SUGCT: variants seen among roughly 807,000 people sequenced by gnomAD.
SUGCT encodes the protein succinyl-CoA:glutarate CoA-transferase.
In SUGCT, 41 loss-of-function variants were observed where a neutral mutation model predicts 55.0. The observed-to-expected ratio is 0.74, with a 90% CI of 0.58 to 0.97. The LOEUF (loss-of-function observed/expected upper bound fraction) is 0.97. Among genes scored for constraint, SUGCT ranks in the 50% least tolerant of loss-of-function variants. The pLI is 0.00. For synonymous variants in SUGCT, 187 were observed against 200.4 expected (o/e 0.93, Z 0.56); for missense variants, 568 against 547.8 (o/e 1.04, Z -0.37).
chr7:40,231,650 G>A (rs191530298), intron 6 of SUGCT, among the ~76,000 whole-genome samples: 52 of 152,290 alleles, frequency 3.4e-4, no homozygotes, highest in African/African-American at 1.2e-3. Context: ...ATAGGGCATT[G>A]GGAAAACAGA....
At chr7:40,156,091 A>G (rs1783880916) in intron 1 of SUGCT, among the ~76,000 whole-genome samples, 1 of 152,052 alleles carries the variant, frequency 6.6e-6, no homozygotes, top group Admixed American at 6.5e-5. Context: ...TCCTGACCTG[A>G]AGTGATCCAC....
rs571865238 is a variant in SUGCT at position 40,457,664 on chromosome 7, A to G, written c.889-1437A>G. Among the ~76,000 whole-genome samples the G allele has an allele frequency of 7.0e-4, 106 of 152,328 alleles. No homozygotes were observed. The Middle Eastern group carries it at 0.01, about 15-fold the overall frequency. ...TGGCATAGCTGAAGATGGAAGGATC[A>G]TTACTTTGGCCAACGATTTCACACC... On this transcript the variant is annotated intron_variant, in intron 10 of 13. Coordinates refer to ENST00000335693, the MANE Select transcript of SUGCT (RefSeq NM_001193313.2).
At chr7:40,862,201 A>G (rs140001662), downstream of SUGCT, among the ~76,000 whole-genome samples, 223 of 152,332 alleles carry the variant, frequency 1.5e-3, 2 homozygotes, top group African/African-American at 5.1e-3. Flanking sequence ...AAAATTTTCA[A>G]AATTCCCCTA....
At chr7:40,590,641 G>A (rs1797663493) in intron 12 of SUGCT, among the ~76,000 whole-genome samples, 1 of 152,144 alleles carries the variant, frequency 6.6e-6, no homozygotes, top group African/African-American at 2.4e-5. Context: ...ATATCATCTG[G>A]ACTGTCAAAG....
intron 13 of SUGCT, chr7:40,775,449 C>G (rs1789402335): frequency 6.6e-6 from 1 of 152,198 alleles, no homozygotes; most frequent in Admixed American, 6.5e-5. Flanking sequence ...TATCTGCAAA[C>G]TAATAATTAA....
At chr7:40,847,486 A>C (rs1308981668) in intron 13 of SUGCT, among the ~76,000 whole-genome samples, 1 of 134,740 alleles carries the variant, frequency 7.4e-6, no homozygotes, top group Non-Finnish European at 1.5e-5. Context: ...GTGCGATCTC[A>C]GCTCACTGCA....
chr7:40,675,891 G>T (rs1783953664), intron 12 of SUGCT, among the ~76,000 whole-genome samples: 1 of 152,202 alleles, frequency 6.6e-6, no homozygotes. Context: ...TTGAACAACA[G>T]TGGAGAAATA....
At chr7:40,782,280 A>G (rs937647814) in intron 13 of SUGCT, among the ~76,000 whole-genome samples, 1 of 152,088 alleles carries the variant, frequency 6.6e-6, no homozygotes, top group African/African-American at 2.4e-5. Flanking sequence ...ATTATTACAT[A>G]TCTATAATTT....
At chr7:40,561,045 AC>A (rs1165083690) in intron 12 of SUGCT, among the ~76,000 whole-genome samples, 1 of 152,258 alleles carries the variant, frequency 6.6e-6, no homozygotes, top group Admixed American at 6.5e-5. Flanking sequence ...GATTATCACC[AC>A]ATTGTTCCTT....
intron 7 of SUGCT, among the ~76,000 whole-genome samples, chr7:40,250,031 C>G (rs1790258069): frequency 2.0e-5 from 3 of 152,126 alleles, no homozygotes; most frequent in Admixed American, 1.3e-4. Flanking sequence ...AGGTGATCAG[C>G]CTGCCTCGGC....
At chr7:41,036,420 C>G in the SUGCT span, among the ~76,000 whole-genome samples, 1 of 152,168 alleles carries the variant, frequency 6.6e-6, no homozygotes, top group African/African-American at 2.4e-5. Flanking sequence ...CTGACACCAA[C>G]TGGTTGGTGA....
In SUGCT at chr7:40,410,914, A is replaced by G. The variant is rs559991322; in HGVS notation, c.817-38373A>G. ...ATCTACAAAAAAAATATTAATCAGG[A>G]TTGTCTAGGTTTAATGAATTACACC... On this transcript the variant is annotated intron_variant, in intron 9 of 13. Coordinates refer to ENST00000335693, the MANE Select transcript of SUGCT (RefSeq NM_001193313.2). Among the ~76,000 whole-genome samples, 25 of 152,148 alleles carry G rather than the reference A, an allele frequency of 1.6e-4. No homozygotes were observed. The East Asian group carries it at 4.4e-3, about 27-fold the overall frequency.
intron 9 of SUGCT, among the ~76,000 whole-genome samples, chr7:40,322,634 G>T (rs1413100703): frequency 6.6e-6 from 1 of 152,144 alleles, no homozygotes; most frequent in Non-Finnish European, 1.5e-5. Context: ...CAAGAGGCCG[G>T]TCTTGAGAAT....
intron 7 of SUGCT, among the ~76,000 whole-genome samples, chr7:40,249,170 C>T (rs1790134884): frequency 6.6e-6 from 1 of 150,944 alleles, no homozygotes; most frequent in African/African-American, 2.4e-5. Context: ...CATGAACCTG[C>T]AGTCCCAGCT....
the SUGCT span, among the ~76,000 whole-genome samples, chr7:40,890,900 G>A: frequency 6.6e-6 from 1 of 152,102 alleles, no homozygotes; most frequent in Admixed American, 6.5e-5. Flanking sequence ...AATGAATACT[G>A]ATGGAAAACC....
chr7:40,913,982 G>C, the SUGCT span, among the ~76,000 whole-genome samples: 7 of 151,258 alleles, frequency 4.6e-5, no homozygotes, highest in Admixed American at 4.6e-4. Flanking sequence ...AATATTTGCA[G>C]AACAATAATC....
chr7:40,720,107 A>G (rs1786246490), intron 12 of SUGCT, among the ~76,000 whole-genome samples: 2 of 152,170 alleles, frequency 1.3e-5, no homozygotes. Flanking sequence ...CAATTCTGGT[A>G]CAAGTCATAA....
At chr7:40,943,801 G>A in the SUGCT span, among the ~76,000 whole-genome samples, 1 of 151,944 alleles carries the variant, frequency 6.6e-6, no homozygotes, top group Admixed American at 6.6e-5. Context: ...ACCCAGTAAT[G>A]GGATGGCTGG....
At chr7:40,820,319 G>C (rs1261298830) in intron 13 of SUGCT, among the ~76,000 whole-genome samples, 2 of 152,100 alleles carry the variant, frequency 1.3e-5, no homozygotes, top group East Asian at 1.9e-4. Flanking sequence ...TTGGTAGCTT[G>C]ATGGGGATGG....
Sources: gnomAD v4.1 joint callset for allele counts (sites outside exome capture counted in the v4.1 genomes callset) on GRCh38, gnomAD v4.1.1 for gene constraint, MANE v1.5 for transcripts, NCBI Gene and HGNC (gene_info 2026-07-23, HGNC 2026-07-21) for gene names.